OPCML: variants seen among roughly 807,000 people sequenced by gnomAD.
OPCML encodes the protein opioid-binding protein/cell adhesion molecule.
In OPCML, 13 loss-of-function variants were observed where a neutral mutation model predicts 37.8. That is an observed-to-expected ratio of 0.34 (90% CI 0.22 to 0.55). The LOEUF (loss-of-function observed/expected upper bound fraction) is 0.55, where lower values mean the gene tolerates loss of function less well. Ranked by LOEUF, OPCML falls within the 20% of genes least tolerant of loss-of-function variation. OPCML has a pLI of 0.91. For missense variants in OPCML, 341 were observed against 435.6 expected, an observed-to-expected ratio of 0.78 and a Z score of 1.93; for synonymous variants, 176 against 168.8, an observed-to-expected ratio of 1.04 and a Z score of -0.33.
intron 2 of OPCML, among the ~76,000 whole-genome samples, chr11:132,914,674 C>T (rs986447113): frequency 3.3e-5 from 5 of 152,188 alleles, no homozygotes; most frequent in African/African-American, 4.8e-5. Flanking sequence ...ACCAGGATGT[C>T]GAACTGCCTG....
intron 1 of OPCML, among the ~76,000 whole-genome samples, chr11:133,443,079 A>G (rs1390146806): frequency 6.6e-6 from 1 of 152,188 alleles, no homozygotes; most frequent in African/African-American, 2.4e-5. Context: ...GAAAAACTGA[A>G]CCCACAGAAA....
intron 2 of OPCML, among the ~76,000 whole-genome samples, chr11:132,893,798 C>T (rs1943739060): frequency 1.3e-5 from 2 of 152,206 alleles, no homozygotes; most frequent in South Asian, 4.1e-4. Context: ...TCATATTAAA[C>T]CACAGTTTCC....
chr11:132,877,159 A>G (rs1203730865), intron 2 of OPCML, among the ~76,000 whole-genome samples: 2 of 152,178 alleles, frequency 1.3e-5, no homozygotes, highest in Admixed American at 1.3e-4. Context: ...ATATGACTAT[A>G]TTCTGCAGAG....
intron 4 of OPCML, among the ~76,000 whole-genome samples, chr11:132,479,291 C>T (rs935373641): frequency 2.2e-4 from 33 of 152,264 alleles, no homozygotes; most frequent in Middle Eastern, 3.4e-3. Context: ...CGGGTCACTC[C>T]CACCCAAATA....
intron 1 of OPCML, among the ~76,000 whole-genome samples, chr11:133,220,400 G>T (rs1437069970): frequency 3.9e-5 from 6 of 152,148 alleles, no homozygotes; most frequent in African/African-American, 9.7e-5. Context: ...TCATGCCAAG[G>T]TTCTGCTATT....
chr11:132,582,444 G>A (rs908176453), intron 3 of OPCML, among the ~76,000 whole-genome samples: 1 of 152,050 alleles, frequency 6.6e-6, no homozygotes, highest in Non-Finnish European at 1.5e-5. Flanking sequence ...TCCCAGTGAT[G>A]CAAACAACAG....
intron 1 of OPCML, among the ~76,000 whole-genome samples, chr11:133,322,963 A>G (rs531713075): frequency 6.6e-6 from 1 of 152,348 alleles, no homozygotes; most frequent in South Asian, 2.1e-4. Flanking sequence ...CCTGGTATAT[A>G]CAAAATTGAG....
chr11:132,842,991 A>T (rs1178209375), intron 2 of OPCML, among the ~76,000 whole-genome samples: 2 of 152,196 alleles, frequency 1.3e-5, no homozygotes, highest in South Asian at 4.1e-4. Flanking sequence ...TTGTGAATCA[A>T]TTAAACTAAG....
At chr11:132,530,852 ACT>A (rs1224752592) in intron 3 of OPCML, among the ~76,000 whole-genome samples, 1 of 152,002 alleles carries the variant, frequency 6.6e-6, no homozygotes, top group Non-Finnish European at 1.5e-5. Flanking sequence ...CACTCCTATA[ACT>A]TTTCTATTCC....
At chr11:132,734,304 A>G (rs1431399029) in intron 2 of OPCML, among the ~76,000 whole-genome samples, 2 of 152,166 alleles carry the variant, frequency 1.3e-5, no homozygotes, top group Non-Finnish European at 2.9e-5. Context: ...GCATCCAGTA[A>G]CATGTGTCAG....
At chr11:133,281,850 T>G (rs957963257) in intron 1 of OPCML, among the ~76,000 whole-genome samples, 1 of 152,162 alleles carries the variant, frequency 6.6e-6, no homozygotes, top group Non-Finnish European at 1.5e-5. Context: ...TTGTTACACC[T>G]TAGCAAAGAG....
intron 4 of OPCML, among the ~76,000 whole-genome samples, chr11:132,481,196 C>T (rs1256182113): frequency 6.6e-6 from 1 of 152,078 alleles, no homozygotes; most frequent in Non-Finnish European, 1.5e-5. Context: ...TGCAGAGACA[C>T]ACATAGGCTC....
chr11:133,204,282 TA>T (rs1398443945), intron 1 of OPCML, among the ~76,000 whole-genome samples: 2 of 152,190 alleles, frequency 1.3e-5, no homozygotes, highest in Non-Finnish European at 2.9e-5. Context: ...AAATCGTTTG[TA>T]AGCCCACATT....
chr11:133,246,303 G>A (rs1351427452), intron 1 of OPCML, among the ~76,000 whole-genome samples: 1 of 152,186 alleles, frequency 6.6e-6, no homozygotes, highest in Admixed American at 6.5e-5. Flanking sequence ...GTTCACAGTG[G>A]AGAGGTAGAG....
intron 1 of OPCML, among the ~76,000 whole-genome samples, chr11:133,059,868 C>T (rs575635337): frequency 6.6e-6 from 1 of 152,320 alleles, no homozygotes; most frequent in Non-Finnish European, 1.5e-5. Context: ...TTCATGGAAA[C>T]CAACTCACAG....
chr11:132,818,512 G>C (rs1423152009), intron 2 of OPCML, among the ~76,000 whole-genome samples: 1 of 151,650 alleles, frequency 6.6e-6, no homozygotes. Context: ...TCTCCAGCCT[G>C]CCGCCCACCC....
chr11:133,437,584 A>T (rs1388678512), intron 1 of OPCML, among the ~76,000 whole-genome samples: 3 of 151,170 alleles, frequency 2.0e-5, no homozygotes, highest in Non-Finnish European at 2.9e-5. Flanking sequence ...ATCACTTAAT[A>T]TTTGCTAAGC....
chr11:133,058,709 G>A (rs746020582), intron 1 of OPCML, among the ~76,000 whole-genome samples: 3 of 152,138 alleles, frequency 2.0e-5, no homozygotes, highest in Non-Finnish European at 4.4e-5. Flanking sequence ...TGTGCTTCTC[G>A]GCACCTCCCA....
chr11:132,710,475 T>C (rs1944215755), intron 2 of OPCML, among the ~76,000 whole-genome samples: 2 of 152,178 alleles, frequency 1.3e-5, no homozygotes, highest in Admixed American at 1.3e-4. Flanking sequence ...CCAAAGTTGC[T>C]CATGATTTGG....
Sources: allele counts gnomAD v4.1 joint callset (sites outside exome capture counted in the v4.1 genomes callset), GRCh38; gene constraint gnomAD v4.1.1; transcripts MANE v1.5; gene names NCBI Gene and HGNC (gene_info 2026-07-23, HGNC 2026-07-21).